GRK5: variants seen among roughly 807,000 people sequenced by gnomAD.
GRK5 encodes G protein-coupled receptor kinase 5.
Under a neutral mutation model 78.4 loss-of-function variants are expected in GRK5, and 40 were observed. That is an observed-to-expected ratio of 0.51 (90% CI 0.40 to 0.66). The LOEUF (loss-of-function observed/expected upper bound fraction) is 0.66. Ranked by LOEUF, GRK5 falls within the 30% of genes least tolerant of loss-of-function variation. The pLI, the probability that GRK5 is intolerant of heterozygous loss-of-function variation, is 0.00. For missense variants in GRK5, 598 were observed against 759.9 expected (o/e 0.79, Z 2.50); for synonymous variants, 289 against 296.8 (o/e 0.97, Z 0.27).
rs370653741 is a variant in GRK5, at chr10:119,235,091, TC to T, written c.52+27123del. Among the ~76,000 whole-genome samples, 28 of 152,048 alleles carry T rather than the reference TC, an allele frequency of 1.8e-4. No homozygotes were observed. The East Asian group carries it at 4.4e-3, about 24-fold the overall frequency. On this transcript the variant is annotated intron_variant, in intron 1 of 15. Transcript: ENST00000392870. The stretch of plus-strand genomic sequence containing the variant: ...CCCAGGCTTGGGTGATCCTCCCACC[TC>T]AGCCTTCTGAGTAGCTGGGACTAGA...
chr10:119,219,889 C>A (rs1000916498), intron 1 of GRK5, among the ~76,000 whole-genome samples: 3 of 152,090 alleles, frequency 2.0e-5, no homozygotes, highest in African/African-American at 7.2e-5. Context: ...AGGTAACTTT[C>A]GATGTGAGCT....
intron 2 of GRK5, among the ~76,000 whole-genome samples, chr10:119,359,991 G>C (rs1851332626): frequency 6.6e-6 from 1 of 151,646 alleles, no homozygotes; most frequent in African/African-American, 2.4e-5. Context: ...AGGAGGCGGA[G>C]GGAGGCTGAG....
intron 1 of GRK5, among the ~76,000 whole-genome samples, chr10:119,284,012 T>C (rs1215491293): frequency 6.6e-6 from 1 of 152,148 alleles, no homozygotes; most frequent in Non-Finnish European, 1.5e-5. Flanking sequence ...GGCAGTGTAC[T>C]TCGGTACTCG....
intron 3 of GRK5, among the ~76,000 whole-genome samples, chr10:119,394,336 C>CTGTGTT (rs1851972371): frequency 1.5e-4 from 2 of 13,446 alleles, no homozygotes; most frequent in South Asian, 2.1e-3. Context: ...ATCTGTGTGT[C>CTGTGTT]TGTGTGTGGG....
In GRK5 at chr10:119,280,427, G is replaced by A. The variant is rs185259031; in HGVS notation, c.53-46089G>A. On this transcript the variant is annotated intron_variant, in intron 1 of 15. Transcript: ENST00000392870. ...GAATGTCGGCTCTCCAGCCAGCAAG[G>A]CCAGCGCCCACCCATCCATCCCTCT... is the stretch of plus-strand genomic sequence containing the variant. 3.3e-5 allele frequency among the ~76,000 whole-genome samples: 5 copies of A among 152,278 alleles called. No individual in the cohort carries two copies. The East Asian group carries it at 9.6e-4, about 29-fold the overall frequency.
intron 2 of GRK5, among the ~76,000 whole-genome samples, chr10:119,329,749 C>T (rs540771135): frequency 6.6e-5 from 10 of 150,814 alleles, no homozygotes; most frequent in South Asian, 4.2e-4. Context: ...AAAACAAAAA[C>T]AAAAAAAACC....
chr10:119,384,754 A>G (rs2133835592), intron 3 of GRK5, among the ~76,000 whole-genome samples: 1 of 152,268 alleles, frequency 6.6e-6, no homozygotes, highest in East Asian at 1.9e-4. Context: ...AGAGCATGTG[A>G]GGGGCAGAGG....
chr10:119,333,689 A>G (rs1007465578), intron 2 of GRK5: 2 of 492,670 alleles, frequency 4.1e-6, no homozygotes, highest in South Asian at 3.0e-5. Flanking sequence ...TCTCTCTTGT[A>G]TCTTGTAAGT....
chr10:119,242,337 C>T (rs750445347), intron 1 of GRK5, among the ~76,000 whole-genome samples: 2 of 151,640 alleles, frequency 1.3e-5, no homozygotes, highest in East Asian at 3.9e-4. Context: ...GGAATCGGAG[C>T]GGGGGCAGGA....
chr10:119,423,339 C>A (rs1852609312), intron 5 of GRK5, 73 bp downstream of exon 5: 1 of 1,009,730 alleles, frequency 9.9e-7, no homozygotes, highest in Non-Finnish European at 1.6e-6. Context: ...CTCCACCTGA[C>A]CATACAGGGC....
At chr10:119,439,597 C>T in intron 9 of GRK5, 134 bp from the exon 10 acceptor site, 1 of 723,276 alleles carries the variant, frequency 1.4e-6, no homozygotes, top group Non-Finnish European at 2.4e-6. Context: ...AACCAGACAG[C>T]CTGAGCCAGG....
At chr10:119,265,899 G>A (rs1849488150) in intron 1 of GRK5, among the ~76,000 whole-genome samples, 2 of 152,224 alleles carry the variant, frequency 1.3e-5, no homozygotes, top group South Asian at 4.1e-4. Flanking sequence ...CCTGCCTGGG[G>A]CTGAAGTCCG....
At chr10:119,309,352 A>T (rs1173189915) in intron 1 of GRK5, among the ~76,000 whole-genome samples, 1 of 152,200 alleles carries the variant, frequency 6.6e-6, no homozygotes, top group Non-Finnish European at 1.5e-5. Context: ...CAGTGGATGG[A>T]AGAACTCTGG....
At chr10:119,326,700 C>T (rs940588338) in intron 2 of GRK5, 89 bp downstream of exon 2, 1 of 972,260 alleles carries the variant, frequency 1.0e-6, no homozygotes, top group African/African-American at 1.6e-5. Context: ...GGGTGAGCCG[C>T]CAAGCTGTCT....
rs1021127806 is a variant in GRK5 at position 119,257,446 on chromosome 10, C to T, written c.52+49477C>T. 4.6e-5 allele frequency among the ~76,000 whole-genome samples: 7 copies of T among 152,036 alleles called. No homozygotes were observed. The East Asian group carries it at 1.2e-3, about 25-fold the overall frequency. ...ATTTCAAAAGTGCTGGGGCAGGGGC[C>T]GGGTACGGTGGCTCACACCTATAAT... On this transcript the variant is annotated intron_variant, in intron 1 of 15. Transcript: ENST00000392870.
intron 2 of GRK5, among the ~76,000 whole-genome samples, chr10:119,338,040 G>C (rs1443309051): frequency 6.6e-6 from 1 of 152,196 alleles, no homozygotes; most frequent in Non-Finnish European, 1.5e-5. Flanking sequence ...CACGTTCTGA[G>C]GTAATGGGGA....
intron 1 of GRK5, among the ~76,000 whole-genome samples, chr10:119,261,068 C>G (rs1589708104): frequency 1.3e-4 from 2 of 15,472 alleles, no homozygotes; most frequent in Middle Eastern, 0.025. Flanking sequence ...GACGGGGCGG[C>G]TGGCCGGGCG....
intron 1 of GRK5, among the ~76,000 whole-genome samples, chr10:119,303,737 C>T (rs1850225924): frequency 6.6e-6 from 1 of 151,530 alleles, no homozygotes; most frequent in Admixed American, 6.6e-5. Flanking sequence ...GGTGAGGATG[C>T]TGGCCTGGTC....
At chr10:119,216,958 A>T (rs1848585808) in intron 1 of GRK5, among the ~76,000 whole-genome samples, 1 of 152,072 alleles carries the variant, frequency 6.6e-6, no homozygotes, top group Non-Finnish European at 1.5e-5. Context: ...AAAAAAACAT[A>T]AAAATAAAAA....
Sources: allele counts gnomAD v4.1 joint callset (sites outside exome capture counted in the v4.1 genomes callset), GRCh38; gene constraint gnomAD v4.1.1; transcripts MANE v1.5; gene names NCBI Gene and HGNC (gene_info 2026-07-23, HGNC 2026-07-21).